ELMO1: variants seen among roughly 807,000 people sequenced by gnomAD.
ELMO1 encodes the protein engulfment and cell motility 1.
In ELMO1, 26 loss-of-function variants were observed where a neutral mutation model predicts 98.9. That is an observed-to-expected ratio of 0.26 (90% CI 0.19 to 0.36). The LOEUF is 0.36. Ranked by LOEUF, ELMO1 falls within the 10% of genes least tolerant of loss-of-function variation. ELMO1 has a pLI of 1.00. For missense variants in ELMO1, 627 were observed against 935.2 expected, an observed-to-expected ratio of 0.67 and a Z score of 4.30; for synonymous variants, 346 against 346.0, an observed-to-expected ratio of 1.00 and a Z score of 0.00.
intron 8 of ELMO1, among the ~76,000 whole-genome samples, chr7:37,231,766 A>G (rs1205629725): frequency 6.6e-6 from 1 of 152,190 alleles, no homozygotes; most frequent in Non-Finnish European, 1.5e-5. Context: ...CAGCTTATTT[A>G]TCAATTTTGA....
At chr7:36,897,700 A>T (rs757978066) in intron 16 of ELMO1, among the ~76,000 whole-genome samples, 4 of 152,074 alleles carry the variant, frequency 2.6e-5, no homozygotes, top group Admixed American at 2.6e-4. Context: ...AATGTGGGGA[A>T]CTCTTTAACT....
chr7:36,969,528 C>T lies in ELMO1; in HGVS notation c.1437+43771G>A, dbSNP rs531451319. Among the ~76,000 whole-genome samples the T allele has an allele frequency of 2.6e-5, 4 of 152,278 alleles. No individual in the cohort carries two copies. The South Asian group carries it at 8.3e-4, about 32-fold the overall frequency. ...TATGTTTACAGCCACAATTGCTTCC[C>T]CCCACTTGCATCACTTCCCTAGTTT... is the stretch of plus-strand genomic sequence containing the variant. On this transcript the variant is annotated intron_variant, in intron 16 of 21. Coordinates refer to ENST00000310758, the MANE Select transcript of ELMO1 (RefSeq NM_014800.11).
At chr7:37,163,210 T>C (rs1322706894) in intron 13 of ELMO1, among the ~76,000 whole-genome samples, 1 of 152,208 alleles carries the variant, frequency 6.6e-6, no homozygotes, top group Admixed American at 6.5e-5. Flanking sequence ...TCTGAATTTC[T>C]TACAGTAAAA....
chr7:37,088,314 C>G (rs1783891740), intron 15 of ELMO1, among the ~76,000 whole-genome samples: 1 of 152,192 alleles, frequency 6.6e-6, no homozygotes, highest in Non-Finnish European at 1.5e-5. Flanking sequence ...CCTGCAATTT[C>G]AGAAGTATCT....
intron 15 of ELMO1, among the ~76,000 whole-genome samples, chr7:37,090,983 T>C (rs895399985): frequency 3.3e-5 from 5 of 152,204 alleles, no homozygotes; most frequent in Non-Finnish European, 7.3e-5. Flanking sequence ...AAATAAAATA[T>C]CTTAGCTGTA....
rs758531963 is a variant in ELMO1 at position 36,855,500 on chromosome 7, T to G, written c.*51A>C. The G allele has an allele frequency of 6.2e-7, 1 of 1,608,992 alleles. No individual in the cohort carries two copies. ...TGGGTGTGTTTTCATTCCTCTCTCCTGTTAGCTAGGTGTTCCAGTTTTGGA... is the reference window on the plus strand; with the variant it reads ...TGGGTGTGTTTTCATTCCTCTCTCCGGTTAGCTAGGTGTTCCAGTTTTGGA... On this transcript the variant is annotated 3_prime_UTR_variant, in exon 22 of 22. Transcript: ENST00000310758. The surrounding 1 kb of genome is among the most constrained non-coding windows in gnomAD (Gnocchi z 4.2).
Position 36,926,966 on chromosome 7 carries a change from G to A in ELMO1, c.1438-31949C>T, listed in dbSNP as rs1190806343. Among the ~76,000 whole-genome samples the A allele has an allele frequency of 4.6e-5, 7 of 152,086 alleles. No individual in the cohort carries two copies. The South Asian group carries it at 8.3e-4, about 18-fold the overall frequency. On this transcript the variant is annotated intron_variant, in intron 16 of 21. Transcript: ENST00000310758. ...AACAATAATTAGCCTGATAAGATTAGTTCCTATGGGAATTGTCTCTTGGTG... is the reference window on the plus strand; with the variant it reads ...AACAATAATTAGCCTGATAAGATTAATTCCTATGGGAATTGTCTCTTGGTG...
At chr7:37,092,680 A>G (rs1784176317) in intron 15 of ELMO1, among the ~76,000 whole-genome samples, 1 of 152,056 alleles carries the variant, frequency 6.6e-6, no homozygotes, top group Admixed American at 6.6e-5. Flanking sequence ...CGGCCCTAAA[A>G]TTACTCATCT....
intron 13 of ELMO1, among the ~76,000 whole-genome samples, chr7:37,136,753 A>C (rs1429199731): frequency 6.6e-6 from 1 of 152,142 alleles, no homozygotes; most frequent in Non-Finnish European, 1.5e-5. Context: ...ATCCTCAAAA[A>C]AAAAAAGAAA....
intron 15 of ELMO1, among the ~76,000 whole-genome samples, chr7:37,078,889 C>T (rs1474534912): frequency 6.6e-6 from 1 of 151,716 alleles, no homozygotes; most frequent in East Asian, 1.9e-4. Context: ...AAAATACACG[C>T]TTTAATCCTG....
intron 1 of ELMO1, among the ~76,000 whole-genome samples, chr7:37,421,938 G>A (rs1323297581): frequency 1.3e-5 from 2 of 152,194 alleles, no homozygotes; most frequent in Non-Finnish European, 2.9e-5. Flanking sequence ...TCTGACCTGA[G>A]TGGGACCAGG....
chr7:37,248,795 C>T (rs1484024730), intron 6 of ELMO1, among the ~76,000 whole-genome samples: 1 of 152,258 alleles, frequency 6.6e-6, no homozygotes, highest in Non-Finnish European at 1.5e-5. Flanking sequence ...TGCACTGGAC[C>T]TCCCAGAACA....
chr7:36,904,392 T>G (rs569788711), intron 16 of ELMO1, among the ~76,000 whole-genome samples: 2 of 152,318 alleles, frequency 1.3e-5, no homozygotes, highest in Admixed American at 1.3e-4. Flanking sequence ...TGGCAGGGGA[T>G]AGCGGTGCTC....
At chr7:36,995,497 A>T (rs1248704827) in intron 16 of ELMO1, among the ~76,000 whole-genome samples, 1 of 149,474 alleles carries the variant, frequency 6.7e-6, no homozygotes. Flanking sequence ...ACAGAGTGAG[A>T]CTCTGTCTCA....
At chr7:37,329,584 C>T (rs1456779284) in intron 2 of ELMO1, among the ~76,000 whole-genome samples, 2 of 152,090 alleles carry the variant, frequency 1.3e-5, no homozygotes, top group Admixed American at 1.3e-4. Flanking sequence ...GTATCAAAAC[C>T]CGAAGGAAAT....
intron 15 of ELMO1, among the ~76,000 whole-genome samples, chr7:37,034,254 T>C (rs142106787): frequency 2.6e-5 from 4 of 152,220 alleles, no homozygotes; most frequent in Admixed American, 1.3e-4. Context: ...GGTGCCCTTA[T>C]AAGAAGAGGA....
chr7:37,191,789 G>A (rs1252447639), intron 13 of ELMO1, among the ~76,000 whole-genome samples: 2 of 152,052 alleles, frequency 1.3e-5, no homozygotes, highest in African/African-American at 2.4e-5. Flanking sequence ...ATGGTGGCAC[G>A]AACCTGTAAT....
chr7:37,206,451 C>T lies in ELMO1; in HGVS notation c.1086+4935G>A, dbSNP rs141932245. ...AAGCCTAGTAGCATTTAGACAAAGA[C>T]GCTTCCTTCCGTAGTATTAGGATGG... On this transcript the variant is annotated intron_variant, in intron 13 of 21. Coordinates refer to ENST00000310758, the MANE Select transcript of ELMO1 (RefSeq NM_014800.11). 1.8e-3 allele frequency among the ~76,000 whole-genome samples: 279 copies of T among 152,254 alleles called. 1 individual carries two copies. The highest frequency in any genetic ancestry group is 6.2e-3 in the African/African-American group (257 of 41,560).
chr7:37,137,037 A>G (rs1787309551), intron 13 of ELMO1, among the ~76,000 whole-genome samples: 1 of 152,138 alleles, frequency 6.6e-6, no homozygotes, highest in African/African-American at 2.4e-5. Flanking sequence ...CCTAACACAT[A>G]AGGACTCACA....
Sources: gnomAD v4.1 joint callset for allele counts (sites outside exome capture counted in the v4.1 genomes callset) on GRCh38, gnomAD v4.1.1 for gene constraint, Gnocchi (gnomAD v3.1) non-coding constraint, MANE v1.5 for transcripts, NCBI Gene and HGNC (gene_info 2026-07-23, HGNC 2026-07-21) for gene names.